Variants in NNT observed in about 807,000 individuals in gnomAD.
NNT encodes the protein nicotinamide nucleotide transhydrogenase, also known as NAD(P) transhydrogenase, mitochondrial.
NNT carries 50 observed loss-of-function variants against 104.8 expected under a neutral mutation model. The observed-to-expected ratio is 0.48, with a 90% CI of 0.38 to 0.60. NNT has a LOEUF of 0.60. NNT is among the 20% of genes least tolerant of loss of function. The probability of loss-of-function intolerance (pLI) is 0.00; values close to 1 mark genes in which losing one functional copy is unlikely to be tolerated. For missense variants in NNT, 1,131 were observed against 1,330.7 expected, an observed-to-expected ratio of 0.85 and a Z score of 2.33; for synonymous variants, 461 against 490.4, an observed-to-expected ratio of 0.94 and a Z score of 0.79.
At chr5:43,704,230 C>G (rs1743001038) in intron 21 of NNT, 25 bp from the exon 22 acceptor site, 5 of 1,529,234 alleles carry the variant, frequency 3.3e-6, no homozygotes, top group Middle Eastern at 1.8e-4. Flanking sequence ...TAAATACACT[C>G]TCTCATTTAA....
At chr5:43,654,728 C>T (rs530842633) in intron 14 of NNT, among the ~76,000 whole-genome samples, 1 of 152,166 alleles carries the variant, frequency 6.6e-6, no homozygotes, top group East Asian at 1.9e-4. Context: ...TGCTAGCCAC[C>T]TTTATATCAG....
At position 43,659,315 on chromosome 5, in the gene NNT, T is replaced by C; in HGVS notation, c.2599T>C (p.Ser867Pro). The C allele has an allele frequency of 6.2e-7, 1 of 1,613,706 alleles. No homozygotes were observed. The change falls in exon 17 of 22, where the codon TCG (serine) becomes CCG (proline). Residue 867 changes from serine (S) to proline (P), a missense_variant. By Grantham distance (74) the Ser-to-Pro change is moderately conservative. Coordinates refer to ENST00000344920, the MANE Select transcript of NNT (RefSeq NM_182977.3). ...LLTIVGALIG[S>P]SGAILSYIMC... is the part of the protein sequence containing the mutation. ...GACCATCGTGGGTGCACTCATAGGCTCGTCTGGTGCTATCCTGTCATACAT... is the reference window on the plus strand; with the variant it reads ...GACCATCGTGGGTGCACTCATAGGCCCGTCTGGTGCTATCCTGTCATACAT...
rs1474421419 is a variant in NNT, at chr5:43,659,301, G to A, written c.2585G>A (p.Gly862Asp). The change falls in exon 17 of 22, where the codon GGT becomes GAT. Residue 862 changes from glycine to aspartate, a missense_variant. Coordinates refer to ENST00000344920, the MANE Select transcript of NNT (RefSeq NM_182977.3). ...AACAACAATCTGCTGACCATCGTGG[G>A]TGCACTCATAGGCTCGTCTGGTGCT... ...LLNNNLLTIV[G>D]ALIGSSGAIL... 6.2e-7 allele frequency: 1 copy of A among 1,613,924 alleles called. No homozygotes were observed. Among genetic ancestry groups the A allele is most frequent in the Non-Finnish European group, 8.5e-7 (1 of 1,179,990 alleles).
intron 1 of NNT, among the ~76,000 whole-genome samples, chr5:43,607,608 C>T (rs182089863): frequency 3.3e-5 from 5 of 152,262 alleles, no homozygotes; most frequent in South Asian, 2.1e-4. Context: ...TGCATAACAA[C>T]GCCCGGCTAA....
At chr5:43,682,660 AG>A (rs1212725981) in intron 19 of NNT, among the ~76,000 whole-genome samples, 2 of 152,250 alleles carry the variant, frequency 1.3e-5, no homozygotes, top group Non-Finnish European at 2.9e-5. Flanking sequence ...AATAGAAACT[AG>A]GCCAGTTAAA....
chr5:43,688,899 G>A (rs1218793398), intron 19 of NNT, among the ~76,000 whole-genome samples: 2 of 152,146 alleles, frequency 1.3e-5, no homozygotes, highest in East Asian at 1.9e-4. Flanking sequence ...TTTCCTCTGG[G>A]TAGATACCTA....
chr5:43,667,731 T>A (rs1580077104), intron 17 of NNT, among the ~76,000 whole-genome samples: 1 of 152,326 alleles, frequency 6.6e-6, no homozygotes, highest in African/African-American at 2.4e-5. Context: ...TAAACATACG[T>A]GTGCATGTGT....
intron 19 of NNT, among the ~76,000 whole-genome samples, chr5:43,696,258 G>T (rs778601337): frequency 6.6e-6 from 1 of 152,062 alleles, no homozygotes; most frequent in African/African-American, 2.4e-5. Flanking sequence ...GGGACTAAAG[G>T]CCCCTTGCAA....
At chr5:43,663,209 T>A (rs141016814) in intron 17 of NNT, among the ~76,000 whole-genome samples, 79 of 152,318 alleles carry the variant, frequency 5.2e-4, no homozygotes, top group African/African-American at 1.9e-3. Flanking sequence ...ACTTTCTTTT[T>A]TTCTTGGTTG....
At chr5:43,674,054 T>A (rs956630719) in intron 17 of NNT, among the ~76,000 whole-genome samples, 2 of 152,114 alleles carry the variant, frequency 1.3e-5, no homozygotes, top group Admixed American at 6.5e-5. Context: ...TTTAATTCTT[T>A]CACCCTCTTA....
chr5:43,697,727 G>A (rs1390527932), intron 19 of NNT, among the ~76,000 whole-genome samples: 1 of 152,184 alleles, frequency 6.6e-6, no homozygotes, highest in Non-Finnish European at 1.5e-5. Flanking sequence ...GATGGTGATG[G>A]TGGAAGGCAA....
intron 2 of NNT, among the ~76,000 whole-genome samples, chr5:43,611,425 C>T (rs1376897795): frequency 6.6e-6 from 1 of 152,152 alleles, no homozygotes; most frequent in African/African-American, 2.4e-5. Context: ...TCTTTGGTAG[C>T]TTCCTTGCTT....
At chr5:43,679,867 A>T (rs1741609022) in intron 19 of NNT, among the ~76,000 whole-genome samples, 1 of 151,986 alleles carries the variant, frequency 6.6e-6, no homozygotes, top group South Asian at 2.1e-4. Context: ...AACATAGTTC[A>T]AATAATTTTA....
rs752390978 is a variant in NNT at position 43,609,341 on chromosome 5, A to C, written c.146A>C (p.Lys49Thr). The C allele has an allele frequency of 1.9e-6, 3 of 1,613,898 alleles. No homozygotes were observed. In the South Asian group the frequency reaches 3.3e-5, roughly 18 times the overall value. ...HQELWCKAPV[K>T]PGIPYKQLTV... Reference sequence around the variant, plus strand: ...GAACTGTGGTGTAAAGCGCCTGTAAAACCAGGTAAAGTCTCACTTCAGTGA... The same window carrying C: ...GAACTGTGGTGTAAAGCGCCTGTAACACCAGGTAAAGTCTCACTTCAGTGA... The change falls in exon 2 of 22, where the codon AAA becomes ACA. Residue 49 changes from lysine to threonine, a missense_variant. Coordinates refer to ENST00000344920, the MANE Select transcript of NNT (RefSeq NM_182977.3).
At chr5:43,662,825 T>C (rs1266718353) in intron 17 of NNT, among the ~76,000 whole-genome samples, 5 of 151,594 alleles carry the variant, frequency 3.3e-5, no homozygotes, top group Non-Finnish European at 5.9e-5. Flanking sequence ...CCTGGGGAGG[T>C]TGAGGCTGCA....
chr5:43,690,359 A>C (rs977632531), intron 19 of NNT, among the ~76,000 whole-genome samples: 3 of 152,172 alleles, frequency 2.0e-5, no homozygotes, highest in African/African-American at 7.2e-5. Flanking sequence ...ATATGAAACT[A>C]ATACAGATTT....
rs112197654 is a variant in NNT, at chr5:43,613,197, A to G, written c.381+60A>G. ...TGCTGACTTTTTGAAATCTTTTCAT[A>G]GAAAAATTAAATTACTTTATCTGGA... On this transcript the variant is annotated intron_variant, in intron 3 of 21. Transcript: ENST00000344920. 1,354 of 1,345,624 alleles carry G rather than the reference A, an allele frequency of 1.0e-3. 14 individuals carry two copies. The African/African-American group carries it at 0.016, about 16-fold the overall frequency. The allele number at this position is 1,345,624 out of a possible 1,614,324, so 83.4% of individuals were successfully genotyped here.
chr5:43,629,747 A>G (rs1750578616), intron 7 of NNT, among the ~76,000 whole-genome samples: 1 of 152,094 alleles, frequency 6.6e-6, no homozygotes, highest in Non-Finnish European at 1.5e-5. Context: ...GCATTTTTTC[A>G]TATGTTCGTT....
intron 19 of NNT, among the ~76,000 whole-genome samples, chr5:43,682,565 T>C (rs140657294): frequency 1.3e-5 from 2 of 152,332 alleles, no homozygotes; most frequent in African/African-American, 4.8e-5. Context: ...AAGTCCAGCC[T>C]TCTTGGATTT....
Sources: gnomAD v4.1 joint callset for allele counts (sites outside exome capture counted in the v4.1 genomes callset) on GRCh38, gnomAD v4.1.1 for gene constraint, MANE v1.5 for transcripts, NCBI Gene and HGNC (gene_info 2026-07-23, HGNC 2026-07-21) for gene names.